RMST: variants seen among roughly 807,000 people sequenced by gnomAD.
RMST encodes the protein long intergenic non-protein coding RNA 54.
intron 5 of RMST, among the ~76,000 whole-genome samples, chr12:97,478,892 A>G (rs1048191425): frequency 4.6e-5 from 7 of 152,046 alleles, no homozygotes; most frequent in African/African-American, 1.2e-4. Context: ...ATTGCTCCCA[A>G]ATTTTCTCAA....
chr12:97,541,684 G>A (rs541749126), intron 11 of RMST, among the ~76,000 whole-genome samples: 1 of 146,720 alleles, frequency 6.8e-6, no homozygotes, highest in Non-Finnish European at 1.5e-5. Context: ...AAAATGTCTA[G>A]AGATTTCTTA....
intron 10 of RMST, among the ~76,000 whole-genome samples, chr12:97,510,244 T>C (rs1014912525): frequency 4.6e-5 from 7 of 152,196 alleles, no homozygotes; most frequent in African/African-American, 1.7e-4. Context: ...CAGTTAAATT[T>C]CTCTAAGAAG....
intron 10 of RMST, among the ~76,000 whole-genome samples, chr12:97,497,469 G>GT (rs1877561986): frequency 6.6e-6 from 1 of 152,150 alleles, no homozygotes; most frequent in Non-Finnish European, 1.5e-5. Context: ...GCACTTCTCT[G>GT]TTTAAGTATA....
intron 5 of RMST, among the ~76,000 whole-genome samples, chr12:97,485,756 T>C (rs1593155898): frequency 6.6e-6 from 1 of 152,366 alleles, no homozygotes; most frequent in South Asian, 2.1e-4. Context: ...CAGTTCCATC[T>C]GTCCAAGTCA....
At chr12:97,536,072 C>A (rs1219349238) in intron 11 of RMST, among the ~76,000 whole-genome samples, 3 of 151,400 alleles carry the variant, frequency 2.0e-5, no homozygotes, top group African/African-American at 7.3e-5. Flanking sequence ...CATATGGTTT[C>A]TTTGGTGTGA....
intron 10 of RMST, among the ~76,000 whole-genome samples, chr12:97,499,337 A>G (rs558453142): frequency 7.5e-4 from 114 of 152,052 alleles, no homozygotes; most frequent in African/African-American, 2.7e-3. Flanking sequence ...TGTTTTTCAC[A>G]TATCCGACTA....
chr12:97,482,725 T>TTATTTATTTAG (rs1875531386), intron 5 of RMST, among the ~76,000 whole-genome samples: 1 of 61,676 alleles, frequency 1.6e-5, no homozygotes, highest in African/African-American at 6.1e-5. Flanking sequence ...TATTTATTTA[T>TTATTTATTTAG]TAAATAAATT....
intron 10 of RMST, among the ~76,000 whole-genome samples, chr12:97,528,446 A>T (rs1165892587): frequency 1.3e-5 from 2 of 152,106 alleles, no homozygotes; most frequent in Admixed American, 1.3e-4. Flanking sequence ...TGTACATAGC[A>T]TTATTTTATT....
chr12:97,552,348 C>A (rs1019507750), intron 11 of RMST: 2 of 152,080 alleles, frequency 1.3e-5, no homozygotes, highest in Admixed American at 6.5e-5. Flanking sequence ...TAAAATTAGC[C>A]AATTAACCTG....
intron 3 of RMST, chr12:97,463,091 C>G (rs370016419): frequency 1.3e-5 from 2 of 150,998 alleles, no homozygotes; most frequent in East Asian, 2.0e-4. Context: ...CACACACACA[C>G]AAGCACACAC....
intron 10 of RMST, among the ~76,000 whole-genome samples, chr12:97,511,131 T>A (rs1592708855): frequency 6.6e-6 from 1 of 151,454 alleles, no homozygotes; most frequent in East Asian, 1.9e-4. Context: ...ATAAACTCTC[T>A]GGGAAATTGT....
intron 5 of RMST, among the ~76,000 whole-genome samples, chr12:97,477,666 T>G (rs1769949090): frequency 6.6e-6 from 1 of 152,196 alleles, no homozygotes; most frequent in Non-Finnish European, 1.5e-5. Flanking sequence ...ATACGCAGGA[T>G]CCCAGCAAAC....
intron 5 of RMST, among the ~76,000 whole-genome samples, chr12:97,483,736 TTCTACTTCTTTTCCC>T (rs757606932): frequency 6.6e-4 from 100 of 152,344 alleles, no homozygotes; most frequent in South Asian, 1.5e-3. Flanking sequence ...CCCTCCCCAA[TTCTACTTCTTTTCCC>T]AGAAGTATTA....
chr12:97,512,736 G>A (rs959106712), intron 10 of RMST, among the ~76,000 whole-genome samples: 1 of 152,222 alleles, frequency 6.6e-6, no homozygotes, highest in Non-Finnish European at 1.5e-5. Flanking sequence ...AGTGGATCCC[G>A]CACCGGGGCT....
intron 5 of RMST, among the ~76,000 whole-genome samples, chr12:97,466,874 C>T (rs1873254012): frequency 6.6e-6 from 1 of 152,032 alleles, no homozygotes; most frequent in African/African-American, 2.4e-5. Flanking sequence ...TTGCATTGAA[C>T]TCTTGAGATA....
chr12:97,535,883 A>C (rs1262763811), intron 11 of RMST, among the ~76,000 whole-genome samples: 1 of 151,632 alleles, frequency 6.6e-6, no homozygotes, highest in African/African-American at 2.4e-5. Flanking sequence ...CAGTGGGCTT[A>C]TTTCATAGAC....
intron 5 of RMST, among the ~76,000 whole-genome samples, chr12:97,479,727 G>A (rs76026074): frequency 4.6e-5 from 7 of 151,956 alleles, no homozygotes; most frequent in East Asian, 3.9e-4. Context: ...TCCTCAGCCC[G>A]TTGCTCTTGC....
At position 97,526,496 on chromosome 12, in the gene RMST, A is replaced by G. The variant is rs188470331; in HGVS notation, n.1341-4159A>G. 1.2e-3 allele frequency among the ~76,000 whole-genome samples: 187 copies of G among 152,218 alleles called. 1 individual carries two copies. The highest frequency in any genetic ancestry group is 4.3e-3 in the African/African-American group (179 of 41,526). Reference sequence around the variant, plus strand: ...CTGCAACTATGATCCTTGTCCATGTATTATCAAGCATATGTGACTATATAG... The same window carrying G: ...CTGCAACTATGATCCTTGTCCATGTGTTATCAAGCATATGTGACTATATAG... On this transcript the variant is annotated intron_variant and non_coding_transcript_variant, in intron 10 of 13. Transcript: ENST00000640149.
chr12:97,469,621 C>T (rs1300261763), intron 5 of RMST, among the ~76,000 whole-genome samples: 1 of 151,844 alleles, frequency 6.6e-6, no homozygotes, highest in Non-Finnish European at 1.5e-5. Context: ...TTCAGGGTCA[C>T]AGAGCTAACG....
Sources: gnomAD v4.1 joint callset for allele counts (sites outside exome capture counted in the v4.1 genomes callset) on GRCh38, gnomAD v4.1.1 for gene constraint, MANE v1.5 for transcripts, NCBI Gene and HGNC (gene_info 2026-07-23, HGNC 2026-07-21) for gene names.